The following ANO3 variants were observed in gnomAD, a reference collection of about 807,000 sequenced individuals.
The protein encoded by ANO3 is anoctamin-3.
In ANO3, 99 loss-of-function variants were observed where a neutral mutation model predicts 144.8. That is an observed-to-expected ratio of 0.68 (90% CI 0.58 to 0.81). The LOEUF (loss-of-function observed/expected upper bound fraction) is 0.81. Among genes scored for constraint, ANO3 ranks in the 30% least tolerant of loss-of-function variants. The pLI, the probability that ANO3 is intolerant of heterozygous loss-of-function variation, is 0.00. For synonymous variants in ANO3, 414 were observed against 392.6 expected, an observed-to-expected ratio of 1.05 and a Z score of -0.64; for missense variants, 905 against 1,202.2, an observed-to-expected ratio of 0.75 and a Z score of 3.66.
chr11:26,446,918 A>C (rs1858720893), intron 3 of ANO3, among the ~76,000 whole-genome samples: 1 of 152,090 alleles, frequency 6.6e-6, no homozygotes, highest in Admixed American at 6.6e-5. Flanking sequence ...GATCATCAAA[A>C]GTGATTTTAG....
At chr11:26,482,811 GAGTT>G (rs902216349) in intron 4 of ANO3, among the ~76,000 whole-genome samples, 6 of 152,124 alleles carry the variant, frequency 3.9e-5, no homozygotes, top group African/African-American at 1.4e-4. Flanking sequence ...TCATGTGTAC[GAGTT>G]ATTTAGCTTG....
chr11:26,383,888 CTTTTTTTTTTT>C lies in ANO3; in HGVS notation c.46+51584_46+51594del, dbSNP rs61094091. ...CATTGTTCTTGTGCCATGCATTGTT[CTTTTTTTTTTT>C]TTTTTTTTTTTTTTTTGAGACGGAA... On this transcript the variant is annotated intron_variant, in intron 1 of 26. Transcript: ENST00000256737. 5.7e-5 allele frequency among the ~76,000 whole-genome samples: 4 copies of C among 70,172 alleles called. No individual in the cohort carries two copies. The East Asian group carries it at 1.7e-3, about 29-fold the overall frequency. 46.0% of individuals were successfully genotyped at this position (70,172 alleles called of 152,430 possible).
chr11:26,607,426 C>T (rs1851967391), intron 17 of ANO3, among the ~76,000 whole-genome samples: 1 of 152,088 alleles, frequency 6.6e-6, no homozygotes, highest in Non-Finnish European at 1.5e-5. Flanking sequence ...CAGCTTGTTC[C>T]ATTCTCCTCA....
chr11:26,323,556 A>G (rs753923813), intron 1 of ANO3, among the ~76,000 whole-genome samples: 2 of 152,042 alleles, frequency 1.3e-5, no homozygotes, highest in Non-Finnish European at 2.9e-5. Flanking sequence ...CTTGTTTAAG[A>G]ATTTATATTA....
chr11:26,336,828 C>G (rs1376102507), intron 1 of ANO3, among the ~76,000 whole-genome samples: 1 of 152,080 alleles, frequency 6.6e-6, no homozygotes, highest in African/African-American at 2.4e-5. Context: ...ACAGTCTATT[C>G]TTTTATTTAT....
intron 1 of ANO3, among the ~76,000 whole-genome samples, chr11:26,321,758 T>C (rs1854766864): frequency 6.6e-6 from 1 of 152,012 alleles, no homozygotes; most frequent in Admixed American, 6.6e-5. Flanking sequence ...TCAATTATAT[T>C]TTATTAGTTT....
intron 1 of ANO3, among the ~76,000 whole-genome samples, chr11:26,196,948 T>A (rs1360064165): frequency 1.3e-5 from 2 of 152,184 alleles, no homozygotes; most frequent in African/African-American, 4.8e-5. Flanking sequence ...TAGCCCCTGA[T>A]TTTAGTTAAT....
intron 1 of ANO3, among the ~76,000 whole-genome samples, chr11:26,435,950 A>G (rs1858280372): frequency 6.6e-6 from 1 of 152,160 alleles, no homozygotes; most frequent in African/African-American, 2.4e-5. Flanking sequence ...GTTGTTTGAG[A>G]GGTAAAACAC....
chr11:26,583,730 C>T (rs1308396398), intron 14 of ANO3, among the ~76,000 whole-genome samples: 2 of 152,110 alleles, frequency 1.3e-5, no homozygotes, highest in East Asian at 3.9e-4. Context: ...AGTGGTGTTG[C>T]AATAGTGCAT....
At chr11:26,396,234 A>G (rs1045327284) in intron 1 of ANO3, among the ~76,000 whole-genome samples, 5 of 152,192 alleles carry the variant, frequency 3.3e-5, no homozygotes, top group Admixed American at 6.5e-5. Context: ...CAAAACCACA[A>G]TGAAATACCA....
chr11:26,332,440 A>G, intron 1 of ANO3, 119 bp downstream of exon 1: 1 of 765,852 alleles, frequency 1.3e-6, no homozygotes. Context: ...GAACTCTGTG[A>G]AGTTAAAAAA....
intron 3 of ANO3, among the ~76,000 whole-genome samples, chr11:26,457,889 G>A (rs777039193): frequency 6.6e-6 from 1 of 151,934 alleles, no homozygotes; most frequent in African/African-American, 2.4e-5. Flanking sequence ...GAAAGCTGTT[G>A]TCTTTTTTTT....
At chr11:26,312,423 G>A (rs1284435750) in intron 1 of ANO3, among the ~76,000 whole-genome samples, 1 of 152,204 alleles carries the variant, frequency 6.6e-6, no homozygotes, top group African/African-American at 2.4e-5. Context: ...TTGCCACATT[G>A]TCTTCCACAA....
rs182990615 is a variant in ANO3 at position 26,246,552 on chromosome 11, C to A, written c.154+57222C>A. 2.1e-4 allele frequency among the ~76,000 whole-genome samples: 32 copies of A among 149,804 alleles called. 1 individual carries two copies. In the East Asian group the frequency reaches 6.1e-3, roughly 28 times the overall value. ...GTAAGTTTTCATGTACTGTTCATGT[C>A]TTTTGCTTAATTTTCTTTTGAATTT... On this transcript the variant is annotated intron_variant, in intron 1 of 27. Coordinates refer to the ANO3 transcript ENST00000672621.
chr11:26,604,376 G>T (rs1470306539), intron 17 of ANO3, among the ~76,000 whole-genome samples: 1 of 152,118 alleles, frequency 6.6e-6, no homozygotes, highest in Admixed American at 6.5e-5. Context: ...TTTTGTTTAG[G>T]ATTGTCTTGG....
chr11:26,535,429 T>TA (rs1486177225), intron 9 of ANO3, among the ~76,000 whole-genome samples: 1 of 152,118 alleles, frequency 6.6e-6, no homozygotes, highest in Non-Finnish European at 1.5e-5. Flanking sequence ...GACGAAATGC[T>TA]TGAAGGGATC....
intron 26 of ANO3, among the ~76,000 whole-genome samples, chr11:26,657,729 A>G (rs7946547): frequency 0.012 from 1,856 of 152,194 alleles, 44 homozygotes; most frequent in African/African-American, 0.042. Flanking sequence ...AATTACTTCA[A>G]TGGTATTGTT....
At chr11:26,249,740 G>A (rs1288513574) in intron 1 of ANO3, among the ~76,000 whole-genome samples, 32 of 151,174 alleles carry the variant, frequency 2.1e-4, no homozygotes, top group Admixed American at 2.1e-3. Flanking sequence ...TTCCCTCCAG[G>A]GATTTGGTCT....
intron 1 of ANO3, among the ~76,000 whole-genome samples, chr11:26,440,620 A>C (rs1858478135): frequency 6.6e-6 from 1 of 152,146 alleles, no homozygotes; most frequent in Non-Finnish European, 1.5e-5. Flanking sequence ...ACCTCAAGTA[A>C]AGTTGATAAG....
Sources: allele counts gnomAD v4.1 joint callset (sites outside exome capture counted in the v4.1 genomes callset), GRCh38; gene constraint gnomAD v4.1.1; transcripts MANE v1.5; gene names NCBI Gene and HGNC (gene_info 2026-07-23, HGNC 2026-07-21).